SPON1: variants seen among roughly 807,000 people sequenced by gnomAD.
SPON1 encodes the protein spondin-1.
SPON1 carries 52 observed loss-of-function variants against 111.7 expected under a neutral mutation model. The observed-to-expected ratio is 0.47, with a 90% CI of 0.37 to 0.59. SPON1 has a LOEUF of 0.59. SPON1 is among the 20% of genes least tolerant of loss of function. The pLI is 0.00. For missense variants in SPON1, 957 were observed against 1,068.5 expected, an observed-to-expected ratio of 0.90 and a Z score of 1.46; for synonymous variants, 410 against 395.8, an observed-to-expected ratio of 1.04 and a Z score of -0.43.
intron 6 of SPON1, among the ~76,000 whole-genome samples, chr11:14,192,736 G>A (rs886857279): frequency 1.6e-4 from 23 of 139,826 alleles, no homozygotes; most frequent in African/African-American, 5.7e-4. Flanking sequence ...CCCACCCCCC[G>A]CCCCCATCAC....
chr11:14,234,723 A>C (rs1454648198), intron 6 of SPON1, among the ~76,000 whole-genome samples: 1 of 152,236 alleles, frequency 6.6e-6, no homozygotes, highest in African/African-American at 2.4e-5. Context: ...AGAAATGCCA[A>C]GCTGCTTCCA....
intron 3 of SPON1, among the ~76,000 whole-genome samples, chr11:14,058,306 G>T (rs571753050): frequency 1.8e-4 from 27 of 152,206 alleles, no homozygotes; most frequent in African/African-American, 5.8e-4. Context: ...AGACAGCAAG[G>T]ATACAGAGCT....
At chr11:14,087,409 A>C (rs1849015423) in intron 5 of SPON1, among the ~76,000 whole-genome samples, 1 of 152,172 alleles carries the variant, frequency 6.6e-6, no homozygotes, top group African/African-American at 2.4e-5. Flanking sequence ...TTTACCCCAT[A>C]GTCATCCAGG....
At chr11:14,041,046 G>T (rs1233151567) in intron 2 of SPON1, among the ~76,000 whole-genome samples, 1 of 152,166 alleles carries the variant, frequency 6.6e-6, no homozygotes, top group Non-Finnish European at 1.5e-5. Flanking sequence ...TAGGAACTGC[G>T]CTAGTAAAAA....
At position 14,160,571 on chromosome 11, in the gene SPON1, T is replaced by TTA. The variant is rs1242281266; in HGVS notation, c.825+25013_825+25014dup. Among the ~76,000 whole-genome samples the TTA allele has an allele frequency of 2.3e-4, 6 of 26,046 alleles. 2 individuals are homozygous for TTA. Among genetic ancestry groups the TTA allele is most frequent in the African/African-American group, 9.4e-4 (6 of 6,406 alleles). 17.1% of individuals were successfully genotyped at this position (26,046 alleles called of 152,430 possible). On this transcript the variant is annotated intron_variant, in intron 6 of 15. Transcript: ENST00000576479. ...TTTATATATATATTTATATATATAT[T>TTA]TATATATATATTTACATATATATAT...
At chr11:14,064,410 A>G (rs1848816310) in intron 3 of SPON1, among the ~76,000 whole-genome samples, 2 of 152,172 alleles carry the variant, frequency 1.3e-5, no homozygotes, top group Admixed American at 1.3e-4. Flanking sequence ...ATGGTGACAG[A>G]TGATTGGGAT....
intron 5 of SPON1, among the ~76,000 whole-genome samples, chr11:14,118,864 C>T (rs1849284257): frequency 6.6e-6 from 1 of 152,192 alleles, no homozygotes. Context: ...TCAGTTCTCT[C>T]ACCATAACAT....
chr11:14,227,639 A>G (rs782349541), intron 6 of SPON1, among the ~76,000 whole-genome samples: 62 of 152,166 alleles, frequency 4.1e-4, no homozygotes, highest in Admixed American at 1.1e-3. Flanking sequence ...TGAGCACTTA[A>G]TATGTGTCAG....
intron 2 of SPON1, among the ~76,000 whole-genome samples, chr11:14,019,747 C>G (rs138455011): frequency 6.6e-6 from 1 of 152,294 alleles, no homozygotes; most frequent in Non-Finnish European, 1.5e-5. Context: ...TTCACTCAGC[C>G]TTTCTCTTCT....
chr11:14,082,351 T>G (rs1219327060), intron 5 of SPON1, among the ~76,000 whole-genome samples: 1 of 152,244 alleles, frequency 6.6e-6, no homozygotes, highest in Non-Finnish European at 1.5e-5. Context: ...AATTGTCAGA[T>G]TGTGTCCTAA....
rs527963723 is a variant in SPON1 at position 14,245,529 on chromosome 11, G to A, written c.890+2133G>A. On this transcript the variant is annotated intron_variant, in intron 7 of 15. Coordinates refer to ENST00000576479, the MANE Select transcript of SPON1 (RefSeq NM_006108.4). ...TGAGGAATGGCTCTGGAGCCCCAGA[G>A]CAGGGGCAGAACCCTCTCCTGCTGT... Among the ~76,000 whole-genome samples the A allele has an allele frequency of 2.6e-5, 4 of 152,316 alleles. 1 individual carries two copies. Among genetic ancestry groups the A allele is most frequent in the Admixed American group, 2.6e-4 (4 of 15,308 alleles).
intron 6 of SPON1, among the ~76,000 whole-genome samples, chr11:14,187,551 T>C (rs1848298415): frequency 6.6e-6 from 1 of 152,190 alleles, no homozygotes; most frequent in Non-Finnish European, 1.5e-5. Context: ...AGCAAGGACA[T>C]GTCATAGGTA....
chr11:14,017,034 G>A (rs1848448899), intron 2 of SPON1, among the ~76,000 whole-genome samples: 1 of 152,186 alleles, frequency 6.6e-6, no homozygotes, highest in African/African-American at 2.4e-5. Flanking sequence ...GGAAACTTTT[G>A]TATGTTCCAG....
At chr11:13,975,367 A>G (rs1051699826) in intron 1 of SPON1, among the ~76,000 whole-genome samples, 1 of 152,210 alleles carries the variant, frequency 6.6e-6, no homozygotes, top group African/African-American at 2.4e-5. Context: ...TGAGAAAACT[A>G]TGCATTTAAG....
At chr11:14,123,571 G>T (rs1275556669) in intron 5 of SPON1, among the ~76,000 whole-genome samples, 3 of 152,046 alleles carry the variant, frequency 2.0e-5, no homozygotes, top group African/African-American at 7.2e-5. Context: ...AGCTCCCCAG[G>T]GGCTGTTCTC....
chr11:14,140,481 G>A (rs549594308), intron 6 of SPON1, among the ~76,000 whole-genome samples: 1 of 152,202 alleles, frequency 6.6e-6, no homozygotes, highest in African/African-American at 2.4e-5. Context: ...TGCAACCTCC[G>A]CCTCCTGGGT....
At chr11:13,995,563 C>T (rs958709478) in intron 2 of SPON1, among the ~76,000 whole-genome samples, 13 of 152,070 alleles carry the variant, frequency 8.5e-5, no homozygotes, top group Non-Finnish European at 1.3e-4. Context: ...TGGAGAAAAC[C>T]GCCCCCATGA....
intron 2 of SPON1, among the ~76,000 whole-genome samples, chr11:14,030,883 C>T (rs1427060819): frequency 1.3e-5 from 2 of 152,088 alleles, no homozygotes; most frequent in African/African-American, 2.4e-5. Context: ...ATAAATTGTT[C>T]TACAAAAAAG....
intron 7 of SPON1, among the ~76,000 whole-genome samples, chr11:14,249,526 G>GCGCC (rs1417179926): frequency 1.3e-5 from 2 of 152,156 alleles, no homozygotes; most frequent in Non-Finnish European, 2.9e-5. Context: ...AATGGCTTGG[G>GCGCC]CGCCCTCTCG....
Sources: allele counts gnomAD v4.1 joint callset (sites outside exome capture counted in the v4.1 genomes callset), GRCh38; gene constraint gnomAD v4.1.1; transcripts MANE v1.5; gene names NCBI Gene and HGNC (gene_info 2026-07-23, HGNC 2026-07-21).